The following DLG2 variants were observed in gnomAD, a reference collection of about 807,000 sequenced individuals.
DLG2 encodes the protein discs large MAGUK scaffold protein 2.
In DLG2, 45 loss-of-function variants were observed where a neutral mutation model predicts 132.5. That is an observed-to-expected ratio of 0.34 (90% confidence interval 0.27 to 0.44). DLG2 has a LOEUF of 0.44. Among genes scored for constraint, DLG2 ranks in the 20% least tolerant of loss-of-function variants. The probability of loss-of-function intolerance (pLI) is 1.00; values close to 1 mark genes in which losing one functional copy is unlikely to be tolerated. For synonymous variants in DLG2, 424 were observed against 419.6 expected, an observed-to-expected ratio of 1.01 and a Z score of -0.13; for missense variants, 1,045 against 1,196.9, an observed-to-expected ratio of 0.87 and a Z score of 1.87.
At chr11:84,615,715 G>C (rs2099602746) in intron 6 of DLG2, among the ~76,000 whole-genome samples, 1 of 149,208 alleles carries the variant, frequency 6.7e-6, no homozygotes, top group East Asian at 2.0e-4. Context: ...ATAGAGGCTG[G>C]TGACCTGATT....
chr11:84,714,611 TTCTCTTTCTCTTTC>T (rs2060933247), intron 6 of DLG2, among the ~76,000 whole-genome samples: 3 of 93,510 alleles, frequency 3.2e-5, no homozygotes, highest in African/African-American at 9.3e-5. Context: ...CTCTTTCTCT[TTCTCTTTCTCTTTC>T]TCTCTCTCTC....
intron 8 of DLG2, among the ~76,000 whole-genome samples, chr11:84,199,535 T>C (rs903522305): frequency 6.6e-6 from 1 of 152,052 alleles, no homozygotes; most frequent in Non-Finnish European, 1.5e-5. Flanking sequence ...TACAAATATG[T>C]TCAAAATTTA....
intron 15 of DLG2, among the ~76,000 whole-genome samples, chr11:83,916,821 T>C (rs1161536806): frequency 6.6e-6 from 1 of 152,120 alleles, no homozygotes; most frequent in Non-Finnish European, 1.5e-5. Flanking sequence ...TATGGTAGAT[T>C]GTGTTTAGCT....
At chr11:84,737,347 C>G (rs2063971856) in intron 6 of DLG2, among the ~76,000 whole-genome samples, 2 of 151,850 alleles carry the variant, frequency 1.3e-5, no homozygotes, top group South Asian at 4.1e-4. Context: ...TATACCAAGG[C>G]AATATAGGCC....
intron 6 of DLG2, among the ~76,000 whole-genome samples, chr11:84,611,873 G>A (rs918900213): frequency 6.6e-6 from 1 of 152,104 alleles, no homozygotes; most frequent in Non-Finnish European, 1.5e-5. Flanking sequence ...GGGAAGAGTT[G>A]TAAAAATAAT....
rs138016028 is a variant in DLG2, at chr11:84,490,183, A to G, written c.519+44387T>C. 5.9e-5 allele frequency among the ~76,000 whole-genome samples: 9 copies of G among 152,248 alleles called. No individual in the cohort carries two copies. The East Asian group carries it at 1.7e-3, about 29-fold the overall frequency. On this transcript the variant is annotated intron_variant, in intron 7 of 27. Coordinates refer to ENST00000376104, the MANE Select transcript of DLG2 (RefSeq NM_001142699.3). Reference sequence around the variant, plus strand: ...CTTAGCCCTCAGCTTTCTCATCTGTAAAATGGAAATAATAGCAGCTATCTT... The same window carrying G: ...CTTAGCCCTCAGCTTTCTCATCTGTGAAATGGAAATAATAGCAGCTATCTT...
intron 19 of DLG2, among the ~76,000 whole-genome samples, chr11:83,577,667 ATATATCCTATT>A (rs1184838396): frequency 4.0e-5 from 5 of 125,998 alleles, no homozygotes; most frequent in African/African-American, 9.0e-5. Flanking sequence ...AATATTATAA[ATATATCCTATT>A]TATATCCTAT....
chr11:84,468,217 G>T (rs545330974), intron 7 of DLG2, among the ~76,000 whole-genome samples: 1 of 151,684 alleles, frequency 6.6e-6, no homozygotes, highest in African/African-American at 2.4e-5. Context: ...GATTGGGTAT[G>T]CCTTATTGGG....
chr11:85,012,391 GTA>G (rs2059213544), intron 6 of DLG2, among the ~76,000 whole-genome samples: 4 of 149,276 alleles, frequency 2.7e-5, no homozygotes, highest in Admixed American at 2.7e-4. Context: ...GGGTGTGGTG[GTA>G]CATGCCTGTA....
At chr11:83,564,905 A>C (rs1355664465) in intron 19 of DLG2, among the ~76,000 whole-genome samples, 7 of 152,074 alleles carry the variant, frequency 4.6e-5, no homozygotes, top group Non-Finnish European at 7.4e-5. Flanking sequence ...AATATCTTCT[A>C]GTCAAAGAAC....
At chr11:85,150,782 G>A (rs1372251558) in intron 5 of DLG2, among the ~76,000 whole-genome samples, 1 of 145,454 alleles carries the variant, frequency 6.9e-6, no homozygotes, top group Non-Finnish European at 1.5e-5. Context: ...TTCTGTTAAC[G>A]GACATTTGGG....
intron 6 of DLG2, among the ~76,000 whole-genome samples, chr11:84,961,789 G>A (rs1379707441): frequency 6.6e-6 from 1 of 152,150 alleles, no homozygotes; most frequent in Non-Finnish European, 1.5e-5. Context: ...GCAAATGAAT[G>A]CATAAGTATA....
intron 9 of DLG2, among the ~76,000 whole-genome samples, chr11:84,151,458 C>T (rs1360401915): frequency 6.6e-6 from 1 of 152,046 alleles, no homozygotes; most frequent in East Asian, 1.9e-4. Context: ...CTTATTCTGG[C>T]TAGTGGTCTA....
At chr11:85,137,819 T>C (rs991361081) in intron 5 of DLG2, among the ~76,000 whole-genome samples, 1 of 152,136 alleles carries the variant, frequency 6.6e-6, no homozygotes, top group Non-Finnish European at 1.5e-5. Context: ...GTTAGCTTAG[T>C]AAAATAAATA....
chr11:84,875,627 C>G (rs2086223083), intron 6 of DLG2, among the ~76,000 whole-genome samples: 1 of 152,098 alleles, frequency 6.6e-6, no homozygotes, highest in African/African-American at 2.4e-5. Context: ...GCCATTATTA[C>G]CTATCATCAT....
rs573310941 is a variant in DLG2 at position 83,634,806 on chromosome 11, A to G, written c.1826-1481T>C. 1.9e-4 allele frequency among the ~76,000 whole-genome samples: 29 copies of G among 152,314 alleles called. No homozygotes were observed. The East Asian group carries it at 2.1e-3, about 11-fold the overall frequency. ...GCAATAAATAGATAACAGGAAAATAAACTCTGAATATTAAATATTTTTAAA... is the reference window on the plus strand; with the variant it reads ...GCAATAAATAGATAACAGGAAAATAGACTCTGAATATTAAATATTTTTAAA... On this transcript the variant is annotated intron_variant, in intron 18 of 27. Transcript: ENST00000376104.
At chr11:83,577,329 T>C (rs1222206912) in intron 19 of DLG2, among the ~76,000 whole-genome samples, 1 of 149,556 alleles carries the variant, frequency 6.7e-6, no homozygotes, top group Non-Finnish European at 1.5e-5. Flanking sequence ...TTATTAGTTC[T>C]AATAGGAGAT....
chr11:85,430,102 G>T (rs188139990), intron 3 of DLG2, among the ~76,000 whole-genome samples: 5 of 150,344 alleles, frequency 3.3e-5, no homozygotes, highest in African/African-American at 1.2e-4. Context: ...GCAAACTATC[G>T]CAAGGACAAA....
intron 16 of DLG2, among the ~76,000 whole-genome samples, chr11:83,846,185 C>T (rs565935925): frequency 3.3e-5 from 5 of 152,278 alleles, no homozygotes; most frequent in South Asian, 2.1e-4. Flanking sequence ...AGGGTATTTC[C>T]GTACATGGCA....
Sources: gnomAD v4.1 joint callset for allele counts (sites outside exome capture counted in the v4.1 genomes callset) on GRCh38, gnomAD v4.1.1 for gene constraint, MANE v1.5 for transcripts, NCBI Gene and HGNC (gene_info 2026-07-23, HGNC 2026-07-21) for gene names.